The following ZNF407 variants were observed in gnomAD, a reference collection of about 807,000 sequenced individuals.
ZNF407 encodes zinc finger protein 407.
Under a neutral mutation model 131.2 loss-of-function variants are expected in ZNF407, and 17 were observed. The ratio of observed to expected loss-of-function variants is 0.13; its 90% CI spans 0.09 to 0.19. The LOEUF is 0.19. Ranked by LOEUF, ZNF407 falls within the 10% of genes least tolerant of loss-of-function variation. The probability of loss-of-function intolerance (pLI) is 1.00; values close to 1 mark genes in which losing one functional copy is unlikely to be tolerated. For synonymous variants in ZNF407, 1,156 were observed against 1,062.0 expected (o/e 1.09, Z -1.72); for missense variants, 2,681 against 2,830.6 (o/e 0.95, Z 1.20).
intron 8 of ZNF407, among the ~76,000 whole-genome samples, chr18:75,056,796 T>C (rs1973567185): frequency 6.6e-6 from 1 of 152,218 alleles, no homozygotes; most frequent in South Asian, 2.1e-4. Flanking sequence ...TGCTTTGAAA[T>C]TTCTAAAAGG....
At chr18:74,700,984 A>G (rs1967479533) in intron 3 of ZNF407, among the ~76,000 whole-genome samples, 1 of 152,150 alleles carries the variant, frequency 6.6e-6, no homozygotes, top group African/African-American at 2.4e-5. Context: ...GATAGGGCCT[A>G]TAGGGGGTAG....
rs777804251 is a variant in ZNF407 at position 74,631,996 on chromosome 18, C to T, written c.977C>T (p.Thr326Met). The change falls in exon 2 of 9, where the codon ACG becomes ATG. Residue 326 changes from threonine (T) to methionine (M), a missense_variant. This residue lies in a region of ZNF407 where 1,789 missense variants were observed against 1,748.7 expected (regional missense o/e 1.02). Coordinates refer to ENST00000299687, the MANE Select transcript of ZNF407 (RefSeq NM_017757.3). Reference protein sequence around the residue: ...DSKGLRNVGSTFKDFRGSISK... With the variant: ...DSKGLRNVGSMFKDFRGSISK... Reference sequence around the variant, plus strand: ...AAAGGATTACGAAATGTGGGAAGCACGTTTAAAGATTTCAGAGGAAGTATT... The same window carrying T: ...AAAGGATTACGAAATGTGGGAAGCATGTTTAAAGATTTCAGAGGAAGTATT... 17 of 1,613,918 alleles carry T rather than the reference C, an allele frequency of 1.1e-5. No homozygotes were observed. The highest frequency in any genetic ancestry group is 1.6e-4 in the Middle Eastern group (1 of 6,062).
At position 75,048,381 on chromosome 18, in the gene ZNF407, T is replaced by A. The variant is rs1189552837; in HGVS notation, c.5429-14769T>A. On this transcript the variant is annotated intron_variant, in intron 8 of 8. Coordinates refer to ENST00000299687, the MANE Select transcript of ZNF407 (RefSeq NM_017757.3). The surrounding 1 kb of genome is among the most constrained non-coding windows in gnomAD (Gnocchi z 4.1). ...ACCTCAGGTCTTGACTTTTTGGCTT[T>A]CTTGACTGGCTCTGACTGTCCATTC... Among the ~76,000 whole-genome samples the A allele has an allele frequency of 2.6e-5, 4 of 152,230 alleles. No individual in the cohort carries two copies. The highest frequency in any genetic ancestry group is 5.9e-5 in the Non-Finnish European group (4 of 68,052).
intron 3 of ZNF407, among the ~76,000 whole-genome samples, chr18:74,690,440 G>GT (rs1156382386): frequency 1.7e-4 from 21 of 121,174 alleles, no homozygotes; most frequent in African/African-American, 4.5e-4. Flanking sequence ...GTTTTTTTTT[G>GT]TTTTTTTGGG....
intron 3 of ZNF407, among the ~76,000 whole-genome samples, chr18:74,741,330 TTATAAA>T (rs576502198): frequency 1.5e-3 from 229 of 152,262 alleles, no homozygotes; most frequent in African/African-American, 5.3e-3. Flanking sequence ...TTGTGACGTG[TTATAAA>T]TATAAATGTA....
chr18:75,065,141 T>C lies in ZNF407; in HGVS notation c.*673T>C, dbSNP rs1321309638. 1 of 152,552 alleles carries C rather than the reference T, an allele frequency of 6.6e-6. No individual in the cohort carries two copies. Among genetic ancestry groups the C allele is most frequent in the Non-Finnish European group, 1.5e-5 (1 of 68,048 alleles). 9.4% of individuals were successfully genotyped at this position (152,552 alleles called of 1,614,324 possible). On this transcript the variant is annotated 3_prime_UTR_variant, in exon 9 of 9. Transcript: ENST00000299687. ...GTCACATTCTGCATAAAAGAAATCC[T>C]CTTAAGCCTATGGTTAAGAAAAGCC...
At chr18:74,679,072 C>T (rs934692135) in intron 3 of ZNF407, among the ~76,000 whole-genome samples, 4 of 151,946 alleles carry the variant, frequency 2.6e-5, no homozygotes, top group South Asian at 4.2e-4. Flanking sequence ...GGGGACTCAG[C>T]GGTTAAAAAA....
At chr18:75,001,290 A>G in intron 8 of ZNF407, among the ~76,000 whole-genome samples, 1 of 152,334 alleles carries the variant, frequency 6.6e-6, no homozygotes, top group African/African-American at 2.4e-5. Flanking sequence ...ATAATATTAT[A>G]AATAGAATGA....
intron 8 of ZNF407, among the ~76,000 whole-genome samples, chr18:75,039,373 C>T (rs1300703959): frequency 6.6e-6 from 1 of 152,146 alleles, no homozygotes; most frequent in South Asian, 2.1e-4. Context: ...CAGTAATTAA[C>T]GTGTGGATCC....
intron 1 of ZNF407, among the ~76,000 whole-genome samples, chr18:74,611,934 A>G (rs1373551529): frequency 6.6e-6 from 1 of 152,164 alleles, no homozygotes; most frequent in African/African-American, 2.4e-5. Context: ...GCCTGGAGAC[A>G]TGTGCAAGGA....
At chr18:74,950,258 A>G (rs1471911979) in intron 8 of ZNF407, among the ~76,000 whole-genome samples, 7 of 152,238 alleles carry the variant, frequency 4.6e-5, no homozygotes, top group South Asian at 4.1e-4. Context: ...GGCTGCAAGA[A>G]AATGATTTAA....
intron 6 of ZNF407, among the ~76,000 whole-genome samples, chr18:74,881,834 C>G (rs186919414): frequency 6.6e-6 from 1 of 152,078 alleles, no homozygotes; most frequent in Non-Finnish European, 1.5e-5. Context: ...AACACATACC[C>G]GAGACTGGGC....
chr18:74,985,863 A>G (rs1385306490), intron 8 of ZNF407, among the ~76,000 whole-genome samples: 1 of 152,196 alleles, frequency 6.6e-6, no homozygotes, highest in Non-Finnish European at 1.5e-5. Context: ...GGCAGAGCGT[A>G]TGGAATTGTG....
chr18:74,633,032 A>G lies in ZNF407; in HGVS notation c.2013A>G (p.Ala671=), dbSNP rs748523066. 4 of 1,613,944 alleles carry G rather than the reference A, an allele frequency of 2.5e-6. No homozygotes were observed. Among genetic ancestry groups the G allele is most frequent in the Non-Finnish European group, 3.4e-6 (4 of 1,179,892 alleles). Residue 671 remains alanine (A), a synonymous_variant, in exon 2 of 9, where the codon GCA becomes GCG. Coordinates refer to ENST00000299687, the MANE Select transcript of ZNF407 (RefSeq NM_017757.3). ...LPLSTLESEN[A]KESMDDSGKA... ...TGAGTACTTTAGAATCAGAAAACGC[A>G]AAAGAGTCTATGGATGACTCAGGAA...
At chr18:74,604,192 A>G (rs1055123684) in intron 1 of ZNF407, among the ~76,000 whole-genome samples, 1 of 152,192 alleles carries the variant, frequency 6.6e-6, no homozygotes, top group Non-Finnish European at 1.5e-5. Context: ...GTTTGATTCC[A>G]TTGTAGCTCC....
intron 8 of ZNF407, among the ~76,000 whole-genome samples, chr18:75,005,807 C>T (rs1972903263): frequency 6.7e-6 from 1 of 149,910 alleles, no homozygotes; most frequent in Non-Finnish European, 1.5e-5. Flanking sequence ...ATCAAATCCC[C>T]ACCCTCCTGG....
chr18:74,980,066 C>T (rs758464436), intron 8 of ZNF407, among the ~76,000 whole-genome samples: 22 of 151,454 alleles, frequency 1.5e-4, no homozygotes, highest in Admixed American at 6.6e-5. Context: ...AATAAAGGGT[C>T]GTGTTCTTGC....
intron 3 of ZNF407, among the ~76,000 whole-genome samples, chr18:74,729,057 T>C (rs1019959990): frequency 3.3e-5 from 5 of 152,194 alleles, no homozygotes; most frequent in Admixed American, 3.3e-4. Flanking sequence ...AGGACAGGTT[T>C]GTATCTGACT....
At chr18:75,032,048 C>T (rs556513570) in intron 8 of ZNF407, among the ~76,000 whole-genome samples, 11 of 152,314 alleles carry the variant, frequency 7.2e-5, no homozygotes, top group Admixed American at 1.3e-4. Context: ...AACTTTCTAT[C>T]GTAAGTAGAA....
Sources: allele counts gnomAD v4.1 joint callset (sites outside exome capture counted in the v4.1 genomes callset), GRCh38; gene constraint gnomAD v4.1.1; regional missense constraint gnomAD v4.1.1; non-coding constraint Gnocchi (gnomAD v3.1); transcripts MANE v1.5; gene names NCBI Gene and HGNC (gene_info 2026-07-23, HGNC 2026-07-21).